Variants in SLC5A4 observed in about 807,000 individuals in gnomAD.
SLC5A4 encodes solute carrier family 5 member 4.
A neutral mutation model predicts 70.3 loss-of-function variants in SLC5A4; 55 were observed. The observed-to-expected ratio is 0.78, with a 90% confidence interval of 0.63 to 0.98. SLC5A4 has a LOEUF of 0.98. Among genes scored for constraint, SLC5A4 ranks in the 50% least tolerant of loss-of-function variants. SLC5A4 has a pLI of 0.00. For missense variants in SLC5A4, 735 were observed against 839.2 expected, an observed-to-expected ratio of 0.88 and a Z score of 1.53; for synonymous variants, 268 against 305.7, an observed-to-expected ratio of 0.88 and a Z score of 1.29.
At chr22:32,281,057 ATATT>A in the SLC5A4 span, among the ~76,000 whole-genome samples, 1 of 152,160 alleles carries the variant, frequency 6.6e-6, no homozygotes, top group Non-Finnish European at 1.5e-5. Context: ...GGAAAGACCA[ATATT>A]TATTCATTAT....
the SLC5A4 span, among the ~76,000 whole-genome samples, chr22:32,285,577 A>G: frequency 2.6e-5 from 4 of 151,950 alleles, no homozygotes; most frequent in Non-Finnish European, 5.9e-5. Context: ...CATTTCTTCT[A>G]TAGTTTCCGG....
the SLC5A4 span, among the ~76,000 whole-genome samples, chr22:32,293,736 G>A: frequency 0.48 from 72,831 of 151,798 alleles, 17,623 homozygotes; most frequent in Admixed American, 0.51. Context: ...CTCTGCCTAG[G>A]ATCATTTGTT....
At chr22:32,343,845 G>A in the SLC5A4 span, among the ~76,000 whole-genome samples, 4 of 152,146 alleles carry the variant, frequency 2.6e-5, no homozygotes, top group Admixed American at 6.6e-5. Flanking sequence ...TAAGGAGTGA[G>A]TCAGAAGAGA....
At chr22:32,341,604 G>A in the SLC5A4 span, among the ~76,000 whole-genome samples, 6 of 152,212 alleles carry the variant, frequency 3.9e-5, no homozygotes, top group Admixed American at 1.3e-4. Context: ...CAGCGGGGAA[G>A]GCTCACGGAC....
the SLC5A4 span, among the ~76,000 whole-genome samples, chr22:32,341,665 C>G: frequency 2.0e-5 from 3 of 152,198 alleles, no homozygotes; most frequent in African/African-American, 7.2e-5. Context: ...CTTGCCACAA[C>G]TGAGTAATTC....
chr22:32,321,748 T>TA, the SLC5A4 span, among the ~76,000 whole-genome samples: 4 of 152,220 alleles, frequency 2.6e-5, no homozygotes, highest in Non-Finnish European at 4.4e-5. Context: ...GTTAGTTTGC[T>TA]AAGAATAATG....
At chr22:32,335,581 A>G in the SLC5A4 span, among the ~76,000 whole-genome samples, 1 of 152,110 alleles carries the variant, frequency 6.6e-6, no homozygotes, top group African/African-American at 2.4e-5. Context: ...CTGTGCCTAC[A>G]TCCACATGGC....
At chr22:32,280,639 A>G in the SLC5A4 span, among the ~76,000 whole-genome samples, 1 of 152,160 alleles carries the variant, frequency 6.6e-6, no homozygotes, top group African/African-American at 2.4e-5. Flanking sequence ...ACTCTGAAGG[A>G]CCAGTTCATG....
At chr22:32,326,176 A>G in the SLC5A4 span, among the ~76,000 whole-genome samples, 60 of 152,178 alleles carry the variant, frequency 3.9e-4, no homozygotes, top group Non-Finnish European at 7.6e-4. Context: ...TTCCAGGTGA[A>G]CTGGAGACAA....
rs1925278542 is a variant in SLC5A4 at position 32,224,459 on chromosome 22, AAC to A, written c.1471_1472del (p.Val491TrpfsTer25). 1.2e-6 allele frequency: 2 copies of A among 1,614,014 alleles called. No individual in the cohort carries two copies. The highest frequency in any genetic ancestry group is 2.2e-5 in the South Asian group (2 of 91,074). ...NEQGAFWGLM[V>X]GLAMGLIRMI... ...TACGAATGAGGCCCATTGCAAGTCC[AAC>A]CATTAGACCCCAGAATGCTCCCTGC... On this transcript the variant is annotated frameshift_variant, in exon 13 of 15. Transcript: ENST00000266086. LOFTEE classifies it high-confidence loss of function.
rs537938313 is a variant in SLC5A4, at chr22:32,253,515, C to T, written c.207+627G>A. Among the ~76,000 whole-genome samples, 95 of 152,304 alleles carry T rather than the reference C, an allele frequency of 6.2e-4. No individual in the cohort carries two copies. The South Asian group carries it at 0.016, about 26-fold the overall frequency. On this transcript the variant is annotated intron_variant, in intron 2 of 14. Transcript: ENST00000266086. ...CCTAACAAGAGGGCCAGCATCAGCT[C>T]AGGACTGGCAACAAAGCAGGAATGC...
chr22:32,318,523 C>CT, the SLC5A4 span, among the ~76,000 whole-genome samples: 4 of 152,174 alleles, frequency 2.6e-5, no homozygotes, highest in Non-Finnish European at 5.9e-5. Flanking sequence ...TTTGACCCCT[C>CT]TTTTCCTCTC....
Position 32,220,929 on chromosome 22 carries a change from C to T in SLC5A4, c.1759G>A (p.Val587Ile), listed in dbSNP as rs1569363985. The T allele has an allele frequency of 1.2e-6, 2 of 1,606,174 alleles. No individual in the cohort carries two copies. The highest frequency in any genetic ancestry group is 1.7e-6 in the Non-Finnish European group (2 of 1,172,754). The change falls in exon 14 of 15, where the codon GTT (valine) becomes ATT (isoleucine). Residue 587 changes from valine (V) to isoleucine (I), a missense_variant. Val to Ile is a conservative substitution (Grantham distance 29, BLOSUM62 3). Coordinates refer to ENST00000266086, the MANE Select transcript of SLC5A4 (RefSeq NM_014227.3). ...GTAAACCAAATATTACCTTCTTCAA[C>T]ACCATCATCTGTTTCTTCCTGACTT... Reference protein sequence around the residue: ...EKSQEETDDGVEEDYPEKSRG... With the variant: ...EKSQEETDDGIEEDYPEKSRG...
chr22:32,329,999 G>A, the SLC5A4 span, among the ~76,000 whole-genome samples: 2 of 15,116 alleles, frequency 1.3e-4, no homozygotes, highest in Non-Finnish European at 1.3e-4. Flanking sequence ...GCTCTGGTGT[G>A]TGTGTTGGGG....
chr22:32,314,704 AAAAG>A, the SLC5A4 span, among the ~76,000 whole-genome samples: 3 of 152,188 alleles, frequency 2.0e-5, no homozygotes, highest in Non-Finnish European at 2.9e-5. Flanking sequence ...AGCAATTTAC[AAAAG>A]AAAGAGGCTT....
At position 32,224,463 on chromosome 22, in the gene SLC5A4, A is replaced by G. The variant is rs372162982; in HGVS notation, c.1469T>C (p.Met490Thr). 90 of 1,613,676 alleles carry G rather than the reference A, an allele frequency of 5.6e-5. No individual in the cohort carries two copies. Among genetic ancestry groups the G allele is most frequent in the Non-Finnish European group, 7.1e-5 (84 of 1,179,710 alleles). Residue 490 changes from methionine (M) to threonine (T), a missense_variant, in exon 13 of 15, where the codon ATG becomes ACG. By Grantham distance (81) the Met-to-Thr change is moderately conservative. Transcript: ENST00000266086. ...AATGAGGCCCATTGCAAGTCCAACC[A>G]TTAGACCCCAGAATGCTCCCTGCAA... The part of the protein sequence containing the change: ...VNEQGAFWGL[M>T]VGLAMGLIRM...
At chr22:32,230,204 G>A (rs1015318890) in intron 10 of SLC5A4, among the ~76,000 whole-genome samples, 2 of 152,116 alleles carry the variant, frequency 1.3e-5, no homozygotes, top group African/African-American at 2.4e-5. Flanking sequence ...CATAAGGAAG[G>A]AAAGAGGGTC....
At chr22:32,270,994 G>C in the SLC5A4 span, 10 of 525,902 alleles carry the variant, frequency 1.9e-5, no homozygotes, top group Non-Finnish European at 3.1e-5. Context: ...TGGAGGCCGA[G>C]AGCCTGGGCT....
At chr22:32,319,735 T>C in the SLC5A4 span, among the ~76,000 whole-genome samples, 2 of 152,242 alleles carry the variant, frequency 1.3e-5, no homozygotes, top group African/African-American at 2.4e-5. Flanking sequence ...TAGTGAGCCC[T>C]TGGCCACATG....
Sources: allele counts gnomAD v4.1 joint callset (sites outside exome capture counted in the v4.1 genomes callset), GRCh38; gene constraint gnomAD v4.1.1; transcripts MANE v1.5; gene names NCBI Gene and HGNC (gene_info 2026-07-23, HGNC 2026-07-21).